The following NCOA6 variants were observed in gnomAD, a reference collection of about 807,000 sequenced individuals.
NCOA6 encodes the protein nuclear receptor coactivator 6.
NCOA6 carries 49 observed loss-of-function variants against 171.4 expected under a neutral mutation model. That is an observed-to-expected ratio of 0.29 (90% CI 0.23 to 0.36). The LOEUF is 0.36. Ranked by LOEUF, NCOA6 falls within the 10% of genes least tolerant of loss-of-function variation. The pLI is 1.00. For synonymous variants in NCOA6, 910 were observed against 927.5 expected (o/e 0.98, Z 0.34); for missense variants, 2,248 against 2,554.5 (o/e 0.88, Z 2.59).
chr20:34,773,036 A>G (rs972701826), intron 4 of NCOA6, among the ~76,000 whole-genome samples: 1 of 152,160 alleles, frequency 6.6e-6, no homozygotes, highest in Non-Finnish European at 1.5e-5. Context: ...AAACTTGCCA[A>G]TTAGGGGTCC....
At chr20:34,732,443 T>C (rs1383043401) in intron 13 of NCOA6, 116 bp downstream of exon 13, 1 of 949,524 alleles carries the variant, frequency 1.1e-6, no homozygotes, top group Non-Finnish European at 1.6e-6. Context: ...AACAGACTGG[T>C]GCAAGAGTGA....
chr20:34,740,977 A>G lies in NCOA6; in HGVS notation c.5279T>C (p.Val1760Ala), dbSNP rs764095103. 2.5e-6 allele frequency: 4 copies of G among 1,614,204 alleles called. No homozygotes were observed. The highest frequency in any genetic ancestry group is 2.2e-5 in the South Asian group (2 of 91,086). ...SSPVVPSHPP[V>A]QQVKELNPDE... is the part of the protein sequence containing the mutation. Reference sequence around the variant, plus strand: ...TGGATTCAATTCTTTCACTTGCTGCACAGGGGGATGAGAAGGGACAACTGG... The same window carrying G: ...TGGATTCAATTCTTTCACTTGCTGCGCAGGGGGATGAGAAGGGACAACTGG... Residue 1760 changes from valine (V) to alanine (A), a missense_variant, in exon 11 of 15, where the codon GTG becomes GCG. Val to Ala is a moderately conservative substitution (Grantham distance 64, BLOSUM62 0). This residue lies in a region of NCOA6 where 884 missense variants were observed against 941.9 expected (regional missense o/e 0.94). Coordinates refer to ENST00000359003, the MANE Select transcript of NCOA6 (RefSeq NM_014071.5).
chr20:34,792,124 T>A (rs2077905673), intron 2 of NCOA6, among the ~76,000 whole-genome samples: 1 of 152,308 alleles, frequency 6.6e-6, no homozygotes, highest in Non-Finnish European at 1.5e-5. Flanking sequence ...CTATTTTTAA[T>A]CAAAGGTATT....
chr20:34,751,393 A>AAAAAAAAAAAAAG (rs2076482646), intron 8 of NCOA6, among the ~76,000 whole-genome samples: 1 of 135,064 alleles, frequency 7.4e-6, no homozygotes, highest in African/African-American at 2.6e-5. Context: ...AAAAAAAAAA[A>AAAAAAAAAAAAAG]AAAGAATGTG....
chr20:34,756,015 G>A (rs1438154513), intron 7 of NCOA6, among the ~76,000 whole-genome samples: 1 of 152,204 alleles, frequency 6.6e-6, no homozygotes, highest in Admixed American at 6.5e-5. Flanking sequence ...GGGATTACAG[G>A]CGTGAGCCAC....
At chr20:34,746,697 A>G (rs1466871170) in intron 10 of NCOA6, 110 bp downstream of exon 10, 1 of 1,239,382 alleles carries the variant, frequency 8.1e-7, no homozygotes, top group Non-Finnish European at 1.1e-6. Flanking sequence ...TCACTGAAGT[A>G]GACTAGTTAG....
chr20:34,719,487 C>T (rs540339929), intron 14 of NCOA6, among the ~76,000 whole-genome samples: 6 of 151,972 alleles, frequency 3.9e-5, no homozygotes, highest in East Asian at 1.9e-4. Context: ...AAAAATTAGC[C>T]GGGAGTGGTG....
chr20:34,746,744 T>C (rs1392596795), intron 10 of NCOA6, 63 bp downstream of exon 10: 10 of 1,482,146 alleles, frequency 6.7e-6, no homozygotes, highest in Non-Finnish European at 9.1e-6. Context: ...CTTGAAGACA[T>C]GGAAGCCTTG....
chr20:34,778,876 G>A (rs924519324), intron 3 of NCOA6, among the ~76,000 whole-genome samples: 11 of 149,678 alleles, frequency 7.3e-5, no homozygotes, highest in Non-Finnish European at 1.5e-4. Context: ...GGAGAATGGC[G>A]TGAACCCGGG....
At chr20:34,791,263 G>A (rs928384093) in intron 2 of NCOA6, among the ~76,000 whole-genome samples, 13 of 152,160 alleles carry the variant, frequency 8.5e-5, no homozygotes, top group Non-Finnish European at 1.3e-4. Flanking sequence ...ATTTCTTCTC[G>A]AAACATGCTT....
chr20:34,733,850 C>CA lies in NCOA6; in HGVS notation c.5963-1256dup, dbSNP rs60649247. 4.5e-3 allele frequency among the ~76,000 whole-genome samples: 201 copies of CA among 44,424 alleles called. 2 individuals are homozygous for CA. The highest frequency in any genetic ancestry group is 0.012 in the East Asian group (14 of 1,194). The allele number at this position is 44,424 out of a possible 152,430, so 29.1% of individuals were successfully genotyped here. A position where few individuals can be genotyped will look rare whatever the true frequency, so the allele number is the denominator to read the frequency against. On this transcript the variant is annotated intron_variant, in intron 12 of 14. Coordinates refer to ENST00000359003, the MANE Select transcript of NCOA6 (RefSeq NM_014071.5). ...CTGGTGACAGAGCAAGACTCTGTCC[C>CA]AAAAAAAAAAAAAAAAAAAAAAAAA...
chr20:34,757,203 G>C lies in NCOA6; in HGVS notation c.1528+17C>G. The C allele has an allele frequency of 6.5e-7, 1 of 1,535,322 alleles. No individual in the cohort carries two copies. The highest frequency in any genetic ancestry group is 8.7e-7 in the Non-Finnish European group (1 of 1,144,138). On this transcript the variant is annotated intron_variant, in intron 7 of 14. Transcript: ENST00000359003. ...TCCAGCAAATTTACCAACACAAATA[G>C]CTACAGTGTTCCTCACCTCCTAGGC...
At chr20:34,761,951 G>C (rs1047566391) in intron 5 of NCOA6, among the ~76,000 whole-genome samples, 1 of 151,900 alleles carries the variant, frequency 6.6e-6, no homozygotes, top group Non-Finnish European at 1.5e-5. Flanking sequence ...ATCGTGCCCG[G>C]CTGACTGCAT....
intron 4 of NCOA6, among the ~76,000 whole-genome samples, chr20:34,773,941 C>T (rs1471922872): frequency 6.6e-6 from 1 of 152,214 alleles, no homozygotes; most frequent in African/African-American, 2.4e-5. Flanking sequence ...TCATCTGGGA[C>T]ACACATGTAG....
intron 14 of NCOA6, among the ~76,000 whole-genome samples, chr20:34,720,486 C>T (rs1240527847): frequency 2.6e-5 from 4 of 152,224 alleles, no homozygotes; most frequent in African/African-American, 4.8e-5. Flanking sequence ...TAAGCAAACT[C>T]GGCTCTCGCA....
At chr20:34,789,058 C>T (rs1015402682) in intron 2 of NCOA6, among the ~76,000 whole-genome samples, 1 of 152,154 alleles carries the variant, frequency 6.6e-6, no homozygotes, top group Non-Finnish European at 1.5e-5. Context: ...CAAGTTACAA[C>T]TTACAAAAAA....
At chr20:34,805,952 C>T (rs963310332) in intron 1 of NCOA6, among the ~76,000 whole-genome samples, 1 of 152,214 alleles carries the variant, frequency 6.6e-6, no homozygotes, top group Non-Finnish European at 1.5e-5. Flanking sequence ...TCCCAAAGTG[C>T]TGGGATTACA....
Position 34,727,228 on chromosome 20 carries a change from C to G in NCOA6, c.6148+31G>C, listed in dbSNP as rs749553699. The G allele has an allele frequency of 1.3e-5, 21 of 1,607,986 alleles. 1 individual carries two copies. The Middle Eastern group carries it at 8.3e-4, about 64-fold the overall frequency. On this transcript the variant is annotated intron_variant, in intron 14 of 14. Coordinates refer to ENST00000359003, the MANE Select transcript of NCOA6 (RefSeq NM_014071.5). Reference sequence around the variant, plus strand: ...TAAGAACTCTATTCCTCTATTTGACCCACAAATAGCACCCACATCCCACTG... The same window carrying G: ...TAAGAACTCTATTCCTCTATTTGACGCACAAATAGCACCCACATCCCACTG...
Position 34,758,010 on chromosome 20 carries a change from G to C in NCOA6, c.738C>G (p.Val246=). 6.2e-7 allele frequency: 1 copy of C among 1,614,036 alleles called. No homozygotes were observed. Among genetic ancestry groups the C allele is most frequent in the South Asian group, 1.1e-5 (1 of 91,062 alleles). Residue 246 remains valine (V), a synonymous_variant, in exon 7 of 15, where the codon GTC becomes GTG. Transcript: ENST00000359003. ...LAPPHHPMQP[V]SVNRQMNPAN... ...CTGGGTTCATTTGTCTGTTCACAGA[G>C]ACAGGCTGCATTGGGTGATGTGGGG... is the stretch of plus-strand genomic sequence containing the variant.
Sources: allele counts gnomAD v4.1 joint callset (sites outside exome capture counted in the v4.1 genomes callset), GRCh38; gene constraint gnomAD v4.1.1; regional missense constraint gnomAD v4.1.1; transcripts MANE v1.5; gene names NCBI Gene and HGNC (gene_info 2026-07-23, HGNC 2026-07-21).